Variants in LPP observed in about 807,000 individuals in gnomAD.
The protein encoded by LPP is LIM domain containing preferred translocation partner in lipoma, also known as lipoma-preferred partner.
LPP carries 38 observed loss-of-function variants against 60.4 expected under a neutral mutation model. The observed-to-expected ratio is 0.63, with a 90% confidence interval of 0.49 to 0.83. The LOEUF (loss-of-function observed/expected upper bound fraction) is 0.83, where lower values mean the gene tolerates loss of function less well. Among genes scored for constraint, LPP ranks in the 40% least tolerant of loss-of-function variants. The pLI, the probability that LPP is intolerant of heterozygous loss-of-function variation, is 0.00. For synonymous variants in LPP, 328 were observed against 290.8 expected (o/e 1.13, Z -1.30); for missense variants, 902 against 783.6 (o/e 1.15, Z -1.80).
At chr3:188,717,899 A>G (rs912991410) in intron 8 of LPP, among the ~76,000 whole-genome samples, 1 of 150,334 alleles carries the variant, frequency 6.7e-6, no homozygotes, top group Middle Eastern at 3.4e-3. Context: ...TGCACCACAA[A>G]CTCCACCTCC....
At chr3:188,498,542 T>C (rs1204169445) in intron 5 of LPP, among the ~76,000 whole-genome samples, 4 of 152,232 alleles carry the variant, frequency 2.6e-5, no homozygotes, top group Non-Finnish European at 5.9e-5. Flanking sequence ...TGTCATGTTC[T>C]GCTTATCCGT....
intron 7 of LPP, among the ~76,000 whole-genome samples, chr3:188,701,941 TC>T (rs1250822514): frequency 1.9e-4 from 25 of 133,076 alleles, no homozygotes; most frequent in African/African-American, 5.9e-4. Context: ...TCTGTTTTTT[TC>T]CCTTTTTTTT....
chr3:188,785,333 A>T (rs375239300), intron 9 of LPP, among the ~76,000 whole-genome samples: 2 of 6,662 alleles, frequency 3.0e-4, no homozygotes, highest in South Asian at 5.2e-3. Flanking sequence ...ATATTCCATC[A>T]TATATATATA....
rs1843381129 is a variant in LPP at position 188,610,098 on chromosome 3, C to T, written c.1113+254C>T. Among the ~76,000 whole-genome samples, 1 of 152,172 alleles carries T rather than the reference C, an allele frequency of 6.6e-6. No individual in the cohort carries two copies. Among genetic ancestry groups the T allele is most frequent in the Admixed American group, 6.5e-5 (1 of 15,270 alleles). On this transcript the variant is annotated intron_variant, in intron 7 of 11. Coordinates refer to ENST00000617246, the MANE Select transcript of LPP (RefSeq NM_001375462.1). This position sits in a 1 kb window ranked among gnomAD's most constrained non-coding sequence, Gnocchi z 4.4. ...AATCATCTTCCAAAGCCCACAGACACCATAGCATCTGAGGACAAAGTGTTC... is the reference window on the plus strand; with the variant it reads ...AATCATCTTCCAAAGCCCACAGACATCATAGCATCTGAGGACAAAGTGTTC...
At chr3:188,229,206 G>A (rs770788330) in intron 2 of LPP, among the ~76,000 whole-genome samples, 8 of 152,072 alleles carry the variant, frequency 5.3e-5, no homozygotes, top group African/African-American at 9.7e-5. Context: ...TAAGAAACCC[G>A]GGAAGCTCAG....
intron 2 of LPP, among the ~76,000 whole-genome samples, chr3:188,284,347 G>A (rs1452763365): frequency 6.6e-6 from 1 of 152,130 alleles, no homozygotes; most frequent in Non-Finnish European, 1.5e-5. Context: ...TATTCAAGGT[G>A]GAGGTGCACA....
intron 4 of LPP, among the ~76,000 whole-genome samples, chr3:188,412,200 TCTCA>T (rs777010961): frequency 9.2e-5 from 14 of 152,150 alleles, no homozygotes; most frequent in Non-Finnish European, 1.8e-4. Context: ...ACATGCCAGT[TCTCA>T]CTCTTTTTCT....
intron 5 of LPP, among the ~76,000 whole-genome samples, chr3:188,488,784 C>A (rs1249563261): frequency 6.6e-6 from 1 of 151,926 alleles, no homozygotes; most frequent in Non-Finnish European, 1.5e-5. Flanking sequence ...CTACAGGCAC[C>A]CACCACCACG....
chr3:188,359,100 C>T (rs1768465233), intron 3 of LPP, among the ~76,000 whole-genome samples: 1 of 152,184 alleles, frequency 6.6e-6, no homozygotes, highest in Non-Finnish European at 1.5e-5. Flanking sequence ...CCTCTTCCAG[C>T]CAACCAGCTG....
chr3:188,305,606 T>TAC (rs891577934), intron 2 of LPP, among the ~76,000 whole-genome samples: 5 of 151,956 alleles, frequency 3.3e-5, no homozygotes, highest in Non-Finnish European at 4.4e-5. Flanking sequence ...AACACACAGA[T>TAC]ACACACACAC....
At chr3:188,706,569 GT>G (rs1865516913) in intron 7 of LPP, among the ~76,000 whole-genome samples, 1 of 152,186 alleles carries the variant, frequency 6.6e-6, no homozygotes, top group African/African-American at 2.4e-5. Context: ...TCTTGACTAT[GT>G]TTAGAAGACA....
At chr3:188,574,814 AAAG>A (rs1213930083) in intron 6 of LPP, among the ~76,000 whole-genome samples, 3 of 152,122 alleles carry the variant, frequency 2.0e-5, no homozygotes, top group African/African-American at 7.2e-5. Flanking sequence ...TAATAGAAAT[AAAG>A]ACAATAAAAG....
intron 2 of LPP, among the ~76,000 whole-genome samples, chr3:188,289,641 G>GT (rs990926208): frequency 1.3e-5 from 2 of 152,136 alleles, no homozygotes; most frequent in South Asian, 2.1e-4. Context: ...GTAAACACAT[G>GT]TTTTTTTCAT....
chr3:188,813,821 G>A lies in LPP; in HGVS notation c.1411-52379G>A, dbSNP rs181406968. Among the ~76,000 whole-genome samples the A allele has an allele frequency of 9.1e-3, 1,388 of 152,214 alleles. 21 individuals are homozygous for A. The highest frequency in any genetic ancestry group is 0.015 in the Non-Finnish European group (1,021 of 68,006). On this transcript the variant is annotated intron_variant, in intron 9 of 11. Coordinates refer to ENST00000617246, the MANE Select transcript of LPP (RefSeq NM_001375462.1). Reference sequence around the variant, plus strand: ...AGAGTGGCTCATAACTGTAATCTCAGCACTTCGGGATGCCAAAGTGGGCAA... The same window carrying A: ...AGAGTGGCTCATAACTGTAATCTCAACACTTCGGGATGCCAAAGTGGGCAA...
At chr3:188,411,142 G>C (rs1784798220) in intron 4 of LPP, among the ~76,000 whole-genome samples, 1 of 151,994 alleles carries the variant, frequency 6.6e-6, no homozygotes. Flanking sequence ...TGGGTATTTA[G>C]AAGATATACA....
At chr3:188,830,916 T>C (rs1416379782) in intron 9 of LPP, among the ~76,000 whole-genome samples, 1 of 152,230 alleles carries the variant, frequency 6.6e-6, no homozygotes, top group Non-Finnish European at 1.5e-5. Context: ...AACTGTCCTT[T>C]GAGACTTGGA....
chr3:188,713,739 A>G (rs755713018), intron 8 of LPP, among the ~76,000 whole-genome samples: 21 of 152,174 alleles, frequency 1.4e-4, no homozygotes, highest in Non-Finnish European at 2.8e-4. Flanking sequence ...TGCAACAACT[A>G]TAAGGACTCC....
rs1770450776 is a variant in LPP at position 188,884,616 on chromosome 3, A to C, written c.*10137A>C. 4.3e-6 allele frequency: 1 copy of C among 230,262 alleles called. No homozygotes were observed. The highest frequency in any genetic ancestry group is 1.8e-4 in the South Asian group (1 of 5,502). The allele number at this position is 230,262 out of a possible 1,614,324, so 14.3% of individuals were successfully genotyped here. ...GTTCCTTTACATTCCATTCACCAAA[A>C]ACCTCTCTGGAACTGTCAGGTTCAG... On this transcript the variant is annotated 3_prime_UTR_variant, in exon 12 of 12. Coordinates refer to ENST00000617246, the MANE Select transcript of LPP (RefSeq NM_001375462.1).
At chr3:188,619,218 T>C (rs1845388702) in intron 7 of LPP, among the ~76,000 whole-genome samples, 1 of 151,942 alleles carries the variant, frequency 6.6e-6, no homozygotes, top group Non-Finnish European at 1.5e-5. Context: ...AGAGACGGGG[T>C]TTTACCATGT....
Sources: gnomAD v4.1 joint callset for allele counts (sites outside exome capture counted in the v4.1 genomes callset) on GRCh38, gnomAD v4.1.1 for gene constraint, Gnocchi (gnomAD v3.1) non-coding constraint, MANE v1.5 for transcripts, NCBI Gene and HGNC (gene_info 2026-07-23, HGNC 2026-07-21) for gene names.